The following CHRNA6 variants were observed in gnomAD, a reference collection of about 807,000 sequenced individuals.
The protein encoded by CHRNA6 is cholinergic receptor nicotinic alpha 6 subunit.
A neutral mutation model predicts 40.9 loss-of-function variants in CHRNA6; 31 were observed. The ratio of observed to expected loss-of-function variants is 0.76; its 90% CI spans 0.57 to 1.02. The LOEUF (loss-of-function observed/expected upper bound fraction) is 1.02, where lower values mean the gene tolerates loss of function less well. CHRNA6 is among the 50% of genes least tolerant of loss of function. The probability of loss-of-function intolerance (pLI) is 0.00; values close to 1 mark genes in which losing one functional copy is unlikely to be tolerated. For missense variants in CHRNA6, 546 were observed against 596.6 expected (o/e 0.92, Z 0.88); for synonymous variants, 222 against 221.3 (o/e 1.00, Z -0.03).
At position 42,759,121 on chromosome 8, in the gene CHRNA6, G is replaced by A. The variant is rs1380744757; in HGVS notation, c.220-8C>T. The stretch of plus-strand genomic sequence containing the variant: ...GATCTGGTTTACTTCATCCTGGGAA[G>A]AAGAAATAATACTTTTAGCCTCAAA... On this transcript the variant is annotated splice_polypyrimidine_tract_variant and splice_region_variant and intron_variant, in intron 2 of 5. Coordinates refer to ENST00000276410, the MANE Select transcript of CHRNA6 (RefSeq NM_004198.3). The A allele has an allele frequency of 6.2e-7, 1 of 1,611,498 alleles. No individual in the cohort carries two copies.
At chr8:42,758,120 A>G (rs1299579688) in intron 3 of CHRNA6, among the ~76,000 whole-genome samples, 1 of 152,166 alleles carries the variant, frequency 6.6e-6, no homozygotes, top group Non-Finnish European at 1.5e-5. Context: ...AATCTGGACA[A>G]TTATATCCAT....
chr8:42,759,287 C>G, intron 2 of CHRNA6, 174 bp from the exon 3 acceptor site: 3 of 592,076 alleles, frequency 5.1e-6, no homozygotes, highest in Non-Finnish European at 9.2e-6. Flanking sequence ...CGCATTTTCA[C>G]ATCTGGCTCC....
chr8:42,759,068 C>A lies in CHRNA6; in HGVS notation c.264+1G>T, dbSNP rs777165676. ...AGCCAACACATGATATAGGCACATA[C>A]GTGACGCAGCCACAAATTGGTTTCC... On this transcript the variant is annotated splice_donor_variant, in intron 3 of 5. Coordinates refer to ENST00000276410, the MANE Select transcript of CHRNA6 (RefSeq NM_004198.3). LOFTEE classifies it high-confidence loss of function. 8.7e-6 allele frequency: 14 copies of A among 1,611,592 alleles called. No individual in the cohort carries two copies. The highest frequency in any genetic ancestry group is 9.3e-6 in the Non-Finnish European group (11 of 1,177,728).
chr8:42,767,270 T>C (rs1387387192), intron 1 of CHRNA6, among the ~76,000 whole-genome samples: 1 of 152,330 alleles, frequency 6.6e-6, no homozygotes, highest in African/African-American at 2.4e-5. Flanking sequence ...CCCTGCCACT[T>C]GAAACATTTT....
In CHRNA6 at chr8:42,765,180, T is replaced by G; in HGVS notation, c.104A>C (p.Glu35Ala). ...FKGCVGCATE[E>A]RLFHKLFSHY... ...AGAAAACAGTTTGTGGAAGAGCCTC[T>G]CCTCAGTTGCACAGCCCACACAGCC... Residue 35 changes from glutamate to alanine, a missense_variant, in exon 2 of 6, where the codon GAG (glutamate) becomes GCG (alanine). Physicochemically the swap from Glu to Ala is moderately radical, Grantham distance 107. Transcript: ENST00000276410. 1 of 1,614,056 alleles carries G rather than the reference T, an allele frequency of 6.2e-7. No homozygotes were observed. The highest frequency in any genetic ancestry group is 8.5e-7 in the Non-Finnish European group (1 of 1,179,998).
At position 42,766,117 on chromosome 8, in the gene CHRNA6, C is replaced by A. The variant is rs188280393; in HGVS notation, c.80-913G>T. On this transcript the variant is annotated intron_variant, in intron 1 of 5. Transcript: ENST00000276410. ...ATTCTATTATAAAGATACATGCATGCGTATGTTCACTGCAGCACTATTCAC... is the reference window on the plus strand; with the variant it reads ...ATTCTATTATAAAGATACATGCATGAGTATGTTCACTGCAGCACTATTCAC... Among the ~76,000 whole-genome samples, 180 of 152,268 alleles carry A rather than the reference C, an allele frequency of 1.2e-3. 1 individual carries two copies. Among genetic ancestry groups the A allele is most frequent in the African/African-American group, 4.1e-3 (171 of 41,556 alleles).
intron 2 of CHRNA6, among the ~76,000 whole-genome samples, chr8:42,762,221 C>A (rs1442957519): frequency 6.6e-6 from 1 of 152,212 alleles, no homozygotes; most frequent in Non-Finnish European, 1.5e-5. Context: ...CTATTGCACT[C>A]CTGGGCATTT....
chr8:42,768,270 A>G, intron 1 of CHRNA6, 82 bp downstream of exon 1: 3 of 1,118,254 alleles, frequency 2.7e-6, no homozygotes, highest in East Asian at 2.4e-5. Flanking sequence ...TTATTAATAT[A>G]TCTTCTCAAG....
At chr8:42,760,326 TCA>T (rs992154464) in intron 2 of CHRNA6, among the ~76,000 whole-genome samples, 2 of 124,320 alleles carry the variant, frequency 1.6e-5, no homozygotes, top group East Asian at 2.1e-4. Flanking sequence ...TCATGCACAC[TCA>T]CACTCATGCG....
At chr8:42,762,829 G>A (rs151014618) in intron 2 of CHRNA6, among the ~76,000 whole-genome samples, 9 of 152,302 alleles carry the variant, frequency 5.9e-5, no homozygotes, top group African/African-American at 1.2e-4. Context: ...GTATAACATC[G>A]TTGAAATGAG....
In CHRNA6 at chr8:42,756,955, C is replaced by T. The variant is rs757453851; in HGVS notation, c.347G>A (p.Trp116Ter). 1 of 1,613,966 alleles carries T rather than the reference C, an allele frequency of 6.2e-7. No homozygotes were observed. The highest frequency in any genetic ancestry group is 8.5e-7 in the Non-Finnish European group (1 of 1,179,842). The change falls in exon 4 of 6, where the codon TGG becomes TAG. Residue 116 changes from tryptophan (W) to a stop codon, truncating the protein, a stop_gained. Coordinates refer to ENST00000276410, the MANE Select transcript of CHRNA6 (RefSeq NM_004198.3). LOFTEE classifies it high-confidence loss of function. ...GTTATAGAGAACAATGTCGGGCTTC[C>T]AAATCTTATCTGCAGGAACGCGAAG... is the stretch of plus-strand genomic sequence containing the variant. Reference protein sequence around the residue: ...ETLRVPADKIWKPDIVLYNNA... With the variant: ...ETLRVPADKI
intron 1 of CHRNA6, 44 bp downstream of exon 1, chr8:42,768,308 G>T: frequency 6.8e-7 from 1 of 1,462,828 alleles, no homozygotes; most frequent in Non-Finnish European, 9.6e-7. Context: ...GTAAACACAT[G>T]TAGCTAAAAA....
chr8:42,755,944 C>T lies in CHRNA6; in HGVS notation c.1255G>A (p.Val419Met). ...GGCGAGTGCTCCGAATTTTCCACCA[C>T]CCACTGTAATGGCTGATGACTTAAT... ...RRLSHQPLQW[V>M]VENSEHSPEV... The change falls in exon 5 of 6, where the codon GTG becomes ATG. Residue 419 changes from valine to methionine, a missense_variant. This residue lies in a region of CHRNA6 where 5 missense variants were observed against 18.4 expected (regional missense o/e 0.27). Coordinates refer to ENST00000276410, the MANE Select transcript of CHRNA6 (RefSeq NM_004198.3). 1 of 1,614,254 alleles carries T rather than the reference C, an allele frequency of 6.2e-7. No homozygotes were observed. The highest frequency in any genetic ancestry group is 8.5e-7 in the Non-Finnish European group (1 of 1,180,034).
intron 1 of CHRNA6, among the ~76,000 whole-genome samples, chr8:42,766,521 A>AGAAAGAAAGAAAGAGAGAGAGAGAG (rs1563627476): frequency 6.6e-6 from 1 of 151,828 alleles, no homozygotes; most frequent in African/African-American, 2.4e-5. Flanking sequence ...AAAGAAAGAA[A>AGAAAGAAAGAAAGAGAGAGAGAGAG]ATGTGGTATA....
chr8:42,756,925 T>C lies in CHRNA6; in HGVS notation c.374+3A>G. On this transcript the variant is annotated splice_donor_region_variant and intron_variant, in intron 4 of 5. Coordinates refer to ENST00000276410, the MANE Select transcript of CHRNA6 (RefSeq NM_004198.3). ...AGAGGCTACGGTGGTCAGAGACCCA[T>C]ACTTGTTATAGAGAACAATGTCGGG... The C allele has an allele frequency of 6.2e-7, 1 of 1,612,720 alleles. No homozygotes were observed. Among genetic ancestry groups the C allele is most frequent in the South Asian group, 1.1e-5 (1 of 91,040 alleles).
At chr8:42,757,327 C>G (rs1429195808) in intron 3 of CHRNA6, among the ~76,000 whole-genome samples, 1 of 151,404 alleles carries the variant, frequency 6.6e-6, no homozygotes, top group Admixed American at 6.6e-5. Context: ...GATCATGTCA[C>G]TGTACTACAG....
intron 3 of CHRNA6, among the ~76,000 whole-genome samples, chr8:42,757,393 T>A (rs1409511131): frequency 6.7e-6 from 1 of 150,034 alleles, no homozygotes; most frequent in African/African-American, 2.5e-5. Flanking sequence ...TTTCTTCCAA[T>A]GTTAACTTTA....
chr8:42,767,099 C>A (rs1178179203), intron 1 of CHRNA6, among the ~76,000 whole-genome samples: 1 of 152,184 alleles, frequency 6.6e-6, no homozygotes, highest in Non-Finnish European at 1.5e-5. Flanking sequence ...TCCCTAGTAG[C>A]TGGGACTACA....
chr8:42,759,696 G>A (rs754596953), intron 2 of CHRNA6, among the ~76,000 whole-genome samples: 74 of 152,080 alleles, frequency 4.9e-4, no homozygotes, highest in Non-Finnish European at 3.7e-4. Flanking sequence ...TTAGGAGTTC[G>A]AGACCACCCT....
Sources: allele counts gnomAD v4.1 joint callset (sites outside exome capture counted in the v4.1 genomes callset), GRCh38; gene constraint gnomAD v4.1.1; regional missense constraint gnomAD v4.1.1; transcripts MANE v1.5; gene names NCBI Gene and HGNC (gene_info 2026-07-23, HGNC 2026-07-21).